ENTREP2: variants seen among roughly 807,000 people sequenced by gnomAD.
ENTREP2 encodes endosomal transmembrane epsin interactor 2, also known as protein ENTREP2.
the ENTREP2 span, among the ~76,000 whole-genome samples, chr15:29,408,673 TC>T: frequency 2.0e-5 from 3 of 152,336 alleles, no homozygotes; most frequent in East Asian, 5.8e-4. Flanking sequence ...ATTTCCAACT[TC>T]CTGGTCTTTT....
At chr15:29,547,335 GCC>G in the ENTREP2 span, among the ~76,000 whole-genome samples, 2 of 151,838 alleles carry the variant, frequency 1.3e-5, no homozygotes, top group African/African-American at 4.8e-5. Flanking sequence ...TGATCCACCC[GCC>G]TCAGCCTCTA....
At chr15:29,277,450 C>CAT in the ENTREP2 span, among the ~76,000 whole-genome samples, 1 of 152,106 alleles carries the variant, frequency 6.6e-6, no homozygotes, top group Non-Finnish European at 1.5e-5. Flanking sequence ...GGTCCCCAAC[C>CAT]TTTTTGGTAC....
chr15:29,610,487 GA>G, the ENTREP2 span: 1 of 150,420 alleles, frequency 6.6e-6, no homozygotes, highest in Admixed American at 6.7e-5. Context: ...TGGAAAAAAA[GA>G]AAAAAACAAA....
chr15:29,593,394 T>A, the ENTREP2 span, among the ~76,000 whole-genome samples: 611 of 152,184 alleles, frequency 4.0e-3, 4 homozygotes, highest in African/African-American at 0.014. Flanking sequence ...TCACCCTGAG[T>A]AACTTCAACA....
At chr15:29,424,347 C>T in the ENTREP2 span, among the ~76,000 whole-genome samples, 1 of 152,014 alleles carries the variant, frequency 6.6e-6, no homozygotes, top group Non-Finnish European at 1.5e-5. Context: ...TGATTGGTCC[C>T]TTTTACAGAG....
At chr15:29,123,356 C>T in the ENTREP2 span, 3 of 1,539,180 alleles carry the variant, frequency 1.9e-6, no homozygotes, top group African/African-American at 1.4e-5. Context: ...TGGTCCAGAA[C>T]GTCAGCGCCG....
At chr15:29,192,600 A>G in the ENTREP2 span, among the ~76,000 whole-genome samples, 1 of 152,340 alleles carries the variant, frequency 6.6e-6, no homozygotes, top group South Asian at 2.1e-4. Context: ...TACCAGCTCT[A>G]GTGGAAAAGG....
At chr15:29,338,764 A>G in the ENTREP2 span, among the ~76,000 whole-genome samples, 2 of 152,216 alleles carry the variant, frequency 1.3e-5, no homozygotes, top group Non-Finnish European at 2.9e-5. Context: ...TTAATAAAAA[A>G]TATTATGCCT....
At chr15:29,422,373 C>A in the ENTREP2 span, among the ~76,000 whole-genome samples, 1 of 152,278 alleles carries the variant, frequency 6.6e-6, no homozygotes, top group African/African-American at 2.4e-5. Flanking sequence ...CCCCACATAC[C>A]ATTATCTGCT....
the ENTREP2 span, among the ~76,000 whole-genome samples, chr15:29,139,821 G>A: frequency 6.6e-6 from 1 of 152,160 alleles, no homozygotes; most frequent in Non-Finnish European, 1.5e-5. Flanking sequence ...GGCGCTTGAC[G>A]TCTCCCCTCT....
At chr15:29,142,268 G>C in the ENTREP2 span, among the ~76,000 whole-genome samples, 1 of 152,182 alleles carries the variant, frequency 6.6e-6, no homozygotes, top group Admixed American at 6.5e-5. Flanking sequence ...ATAACCAAAG[G>C]GATGACCACA....
At chr15:29,470,662 C>T in the ENTREP2 span, among the ~76,000 whole-genome samples, 3 of 152,190 alleles carry the variant, frequency 2.0e-5, no homozygotes, top group East Asian at 1.9e-4. Context: ...CAAGGTGATG[C>T]GTGTGACTCT....
At chr15:29,614,795 G>A in the ENTREP2 span, among the ~76,000 whole-genome samples, 1 of 152,224 alleles carries the variant, frequency 6.6e-6, no homozygotes. Context: ...GGTGGCTCAC[G>A]CCAGTCATCC....
At chr15:29,540,397 T>C in the ENTREP2 span, among the ~76,000 whole-genome samples, 1 of 152,066 alleles carries the variant, frequency 6.6e-6, no homozygotes, top group Non-Finnish European at 1.5e-5. Context: ...ATATAATGTA[T>C]CAAAAAGAAA....
the ENTREP2 span, among the ~76,000 whole-genome samples, chr15:29,651,671 TG>T: frequency 6.6e-6 from 1 of 152,236 alleles, no homozygotes; most frequent in African/African-American, 2.4e-5. Context: ...GAAGCATGGT[TG>T]GGGCCAAGCC....
the ENTREP2 span, among the ~76,000 whole-genome samples, chr15:29,364,956 C>T: frequency 6.6e-6 from 1 of 152,084 alleles, no homozygotes; most frequent in African/African-American, 2.4e-5. Context: ...ACATTAGGGT[C>T]CACTCTTGGT....
chr15:29,559,257 G>A, the ENTREP2 span, among the ~76,000 whole-genome samples: 2 of 152,088 alleles, frequency 1.3e-5, no homozygotes, highest in African/African-American at 2.4e-5. Context: ...GCACTCACCA[G>A]AGGGGGCCCT....
chr15:29,208,067 C>G, the ENTREP2 span, among the ~76,000 whole-genome samples: 1 of 152,164 alleles, frequency 6.6e-6, no homozygotes, highest in African/African-American at 2.4e-5. Flanking sequence ...CTTCTGAGAA[C>G]TGAGACTGCC....
At chr15:29,153,989 G>C in the ENTREP2 span, among the ~76,000 whole-genome samples, 1 of 152,136 alleles carries the variant, frequency 6.6e-6, no homozygotes, top group African/African-American at 2.4e-5. Context: ...TCCATTTTAA[G>C]TTAAATTTTG....
Sources: allele counts gnomAD v4.1 joint callset (sites outside exome capture counted in the v4.1 genomes callset), GRCh38; gene constraint gnomAD v4.1.1; transcripts MANE v1.5; gene names NCBI Gene and HGNC (gene_info 2026-07-23, HGNC 2026-07-21).